The following TWSG1 variants were observed in gnomAD, a reference collection of about 807,000 sequenced individuals.
TWSG1 encodes the protein twisted gastrulation BMP signaling modulator 1.
A neutral mutation model predicts 23.0 loss-of-function variants in TWSG1; 15 were observed. That is an observed-to-expected ratio of 0.65 (90% confidence interval 0.44 to 1.00). TWSG1 has a LOEUF of 1.00. Ranked by LOEUF, TWSG1 falls within the 50% of genes least tolerant of loss-of-function variation. The pLI is 0.00. For synonymous variants in TWSG1, 86 were observed against 92.8 expected (o/e 0.93, Z 0.42); for missense variants, 242 against 278.7 (o/e 0.87, Z 0.94).
Position 9,402,384 on chromosome 18 carries a change from A to G in TWSG1, c.*2857A>G, listed in dbSNP as rs1452302048. Reference sequence around the variant, plus strand: ...TGTGTATTTTTCTTTGGTTGTCCCTATTAACAAAAAAGTATTTTAATAAAA... The same window carrying G: ...TGTGTATTTTTCTTTGGTTGTCCCTGTTAACAAAAAAGTATTTTAATAAAA... On this transcript the variant is annotated 3_prime_UTR_variant, in exon 5 of 5. Coordinates refer to ENST00000262120, the MANE Select transcript of TWSG1 (RefSeq NM_020648.6). 3 of 152,212 alleles carry G rather than the reference A, an allele frequency of 2.0e-5. No homozygotes were observed. Among genetic ancestry groups the G allele is most frequent in the African/African-American group, 7.2e-5 (3 of 41,448 alleles). The allele number at this position is 152,212 out of a possible 1,614,324, so 9.4% of individuals were successfully genotyped here.
chr18:9,356,476 A>T (rs2040527374), intron 2 of TWSG1, among the ~76,000 whole-genome samples: 1 of 152,212 alleles, frequency 6.6e-6, no homozygotes, highest in Non-Finnish European at 1.5e-5. Context: ...TCTAATGGGA[A>T]CTATTAAATT....
chr18:9,376,490 G>A (rs1360421553), intron 3 of TWSG1, among the ~76,000 whole-genome samples: 1 of 151,962 alleles, frequency 6.6e-6, no homozygotes, highest in Non-Finnish European at 1.5e-5. Flanking sequence ...ATAAATATAC[G>A]GCTGGCCCTT....
intron 3 of TWSG1, among the ~76,000 whole-genome samples, chr18:9,371,297 CTTTT>C (rs758891489): frequency 7.2e-6 from 1 of 138,414 alleles, no homozygotes; most frequent in Admixed American, 7.3e-5. Context: ...TTAGAAATCA[CTTTT>C]TTTTTTTTTT....
chr18:9,340,252 C>T (rs2040440267), intron 2 of TWSG1, among the ~76,000 whole-genome samples: 1 of 150,900 alleles, frequency 6.6e-6, no homozygotes, highest in South Asian at 2.1e-4. Context: ...CCTGTAGTCC[C>T]AGCTACTCGG....
chr18:9,354,516 C>T (rs539065050), intron 2 of TWSG1, among the ~76,000 whole-genome samples: 5 of 151,992 alleles, frequency 3.3e-5, no homozygotes, highest in South Asian at 4.1e-4. Context: ...TCAACTCTAC[C>T]GTATTTTCTG....
At chr18:9,365,781 G>A (rs1469377559) in intron 3 of TWSG1, among the ~76,000 whole-genome samples, 9 of 152,084 alleles carry the variant, frequency 5.9e-5, no homozygotes, top group Non-Finnish European at 7.4e-5. Flanking sequence ...TGGGAGGATC[G>A]CATGAGCACA....
intron 3 of TWSG1, among the ~76,000 whole-genome samples, chr18:9,371,927 G>A (rs1272996291): frequency 2.7e-5 from 4 of 150,756 alleles, no homozygotes; most frequent in Admixed American, 1.3e-4. Context: ...CACCACTCTC[G>A]GCTAATGTTT....
chr18:9,385,859 A>T (rs2040680445), intron 3 of TWSG1, among the ~76,000 whole-genome samples: 1 of 152,020 alleles, frequency 6.6e-6, no homozygotes, highest in Non-Finnish European at 1.5e-5. Flanking sequence ...AGAATAAGAA[A>T]GCTTTTGCAA....
chr18:9,353,243 ATCCTT>A (rs2145601668), intron 2 of TWSG1, among the ~76,000 whole-genome samples: 1 of 152,012 alleles, frequency 6.6e-6, no homozygotes, highest in South Asian at 2.1e-4. Flanking sequence ...ATGTATCCCT[ATCCTT>A]AAGCGATAAA....
chr18:9,373,628 C>T (rs899901297), intron 3 of TWSG1, among the ~76,000 whole-genome samples: 2 of 152,186 alleles, frequency 1.3e-5, no homozygotes, highest in Non-Finnish European at 2.9e-5. Context: ...CTTCAACCCC[C>T]CTCAACCCAG....
chr18:9,374,101 A>T (rs1224263141), intron 3 of TWSG1, among the ~76,000 whole-genome samples: 1 of 152,198 alleles, frequency 6.6e-6, no homozygotes, highest in African/African-American at 2.4e-5. Flanking sequence ...AAGACAAAAG[A>T]TCTAAAAATC....
chr18:9,349,667 C>A (rs996197512), intron 2 of TWSG1, among the ~76,000 whole-genome samples: 9 of 152,090 alleles, frequency 5.9e-5, no homozygotes, highest in African/African-American at 1.9e-4. Context: ...ACTTTTTCTT[C>A]TTTTTTTCTT....
intron 3 of TWSG1, among the ~76,000 whole-genome samples, chr18:9,366,633 T>A (rs1446486265): frequency 1.3e-5 from 2 of 152,192 alleles, no homozygotes; most frequent in African/African-American, 4.8e-5. Flanking sequence ...TCTAGATAGA[T>A]CCGTTGGTTC....
Position 9,399,431 on chromosome 18 carries a change from A to G in TWSG1, c.576A>G (p.Lys192=). Residue 192 remains lysine, a synonymous_variant, in exon 5 of 5, where the codon AAA becomes AAG. Coordinates refer to ENST00000262120, the MANE Select transcript of TWSG1 (RefSeq NM_020648.6). ...CCTGTGAGTCCATGGGAGCATCCAAATATCGCTGGTTTCATAATGCCTGCT... is the reference window on the plus strand; with the variant it reads ...CCTGTGAGTCCATGGGAGCATCCAAGTATCGCTGGTTTCATAATGCCTGCT... The part of the protein sequence containing the change: ...KISCESMGAS[K]YRWFHNACCE... 6.2e-7 allele frequency: 1 copy of G among 1,614,144 alleles called. No individual in the cohort carries two copies. The highest frequency in any genetic ancestry group is 8.5e-7 in the Non-Finnish European group (1 of 1,179,996).
chr18:9,340,367 CAAAAAAAA>C (rs775837207), intron 2 of TWSG1, among the ~76,000 whole-genome samples: 88 of 67,100 alleles, frequency 1.3e-3, no homozygotes, highest in Non-Finnish European at 1.6e-3. Flanking sequence ...GACTCCATTT[CAAAAAAAA>C]AAAAAAAAAA....
chr18:9,385,192 A>C (rs2040676457), intron 3 of TWSG1, among the ~76,000 whole-genome samples: 1 of 152,152 alleles, frequency 6.6e-6, no homozygotes, highest in Non-Finnish European at 1.5e-5. Flanking sequence ...AAAAAGTTCC[A>C]AGTAATTAAG....
chr18:9,365,612 G>A (rs980372181), intron 3 of TWSG1, among the ~76,000 whole-genome samples: 1 of 152,100 alleles, frequency 6.6e-6, no homozygotes, highest in African/African-American at 2.4e-5. Context: ...AGGAGGTTCA[G>A]GCTGTACTGA....
chr18:9,342,212 G>A (rs1216420609), intron 2 of TWSG1, among the ~76,000 whole-genome samples: 1 of 152,218 alleles, frequency 6.6e-6, no homozygotes, highest in Admixed American at 6.5e-5. Context: ...CTTACTGGTT[G>A]TATGACCTTG....
intron 3 of TWSG1, among the ~76,000 whole-genome samples, chr18:9,391,276 C>T (rs2040711429): frequency 6.6e-6 from 1 of 152,224 alleles, no homozygotes; most frequent in Admixed American, 6.5e-5. Flanking sequence ...TTTGCTATTT[C>T]CACTACATTT....
Sources: gnomAD v4.1 joint callset for allele counts (sites outside exome capture counted in the v4.1 genomes callset) on GRCh38, gnomAD v4.1.1 for gene constraint, MANE v1.5 for transcripts, NCBI Gene and HGNC (gene_info 2026-07-23, HGNC 2026-07-21) for gene names.